THSD4: variants seen among roughly 807,000 people sequenced by gnomAD.
The protein encoded by THSD4 is thrombospondin type 1 domain containing 4.
THSD4 carries 69 observed loss-of-function variants against 119.0 expected under a neutral mutation model. That is an observed-to-expected ratio of 0.58 (90% CI 0.48 to 0.71). The LOEUF is 0.71. THSD4 is among the 30% of genes least tolerant of loss of function. The pLI is 0.00. For synonymous variants in THSD4, 524 were observed against 540.4 expected (o/e 0.97, Z 0.42); for missense variants, 1,393 against 1,391.1 (o/e 1.00, Z -0.02).
At chr15:71,448,392 G>A (rs2047218284) in intron 7 of THSD4, among the ~76,000 whole-genome samples, 1 of 152,076 alleles carries the variant, frequency 6.6e-6, no homozygotes, top group Non-Finnish European at 1.5e-5. Context: ...TTAACATTTG[G>A]GGGCATTTCA....
intron 6 of THSD4, among the ~76,000 whole-genome samples, chr15:71,327,059 C>T (rs952376241): frequency 2.6e-5 from 4 of 151,336 alleles, no homozygotes; most frequent in East Asian, 2.0e-4. Flanking sequence ...CCGAGCTACT[C>T]GGGATTCTGA....
chr15:71,412,119 C>A (rs138171505), intron 7 of THSD4, among the ~76,000 whole-genome samples: 1 of 152,168 alleles, frequency 6.6e-6, no homozygotes, highest in African/African-American at 2.4e-5. Flanking sequence ...ATCTGGAGCT[C>A]CTTCTTTGCC....
chr15:71,305,622 A>T (rs2045013134), intron 6 of THSD4, among the ~76,000 whole-genome samples: 1 of 152,138 alleles, frequency 6.6e-6, no homozygotes, highest in South Asian at 2.1e-4. Flanking sequence ...GATAAATGAG[A>T]TTGTTATTGT....
intron 8 of THSD4, among the ~76,000 whole-genome samples, chr15:71,695,378 T>C (rs1021358716): frequency 2.0e-5 from 3 of 152,006 alleles, no homozygotes; most frequent in African/African-American, 7.2e-5. Context: ...TGTGTATGTA[T>C]GTGTGTGTGC....
At chr15:71,447,993 G>A (rs1431878009) in intron 7 of THSD4, among the ~76,000 whole-genome samples, 2 of 152,200 alleles carry the variant, frequency 1.3e-5, no homozygotes, top group Non-Finnish European at 2.9e-5. Flanking sequence ...GTAAACAGTA[G>A]CTTTCTCGGC....
chr15:71,468,620 T>A (rs1271983451), intron 7 of THSD4, among the ~76,000 whole-genome samples: 1 of 152,214 alleles, frequency 6.6e-6, no homozygotes, highest in East Asian at 1.9e-4. Flanking sequence ...CTTTTAGCTA[T>A]AATAGAAAAA....
At chr15:71,455,273 C>T (rs2047322960) in intron 7 of THSD4, among the ~76,000 whole-genome samples, 1 of 152,200 alleles carries the variant, frequency 6.6e-6, no homozygotes, top group African/African-American at 2.4e-5. Context: ...AGCAGCGGCA[C>T]CACAATGATG....
intron 7 of THSD4, among the ~76,000 whole-genome samples, chr15:71,509,515 TGTTA>T (rs2048246302): frequency 6.6e-6 from 1 of 152,210 alleles, no homozygotes; most frequent in African/African-American, 2.4e-5. Flanking sequence ...AATGATTACA[TGTTA>T]GTTATACAAT....
intron 6 of THSD4, among the ~76,000 whole-genome samples, chr15:71,259,940 G>T (rs1024216974): frequency 3.9e-5 from 6 of 152,190 alleles, no homozygotes; most frequent in African/African-American, 1.2e-4. Context: ...GATAATAGCT[G>T]CTTTATTGTG....
intron 7 of THSD4, among the ~76,000 whole-genome samples, chr15:71,633,269 C>CTTTTTTTTTTTTTTTT (rs67682951): frequency 4.7e-5 from 3 of 63,162 alleles, no homozygotes; most frequent in Non-Finnish European, 8.9e-5. Flanking sequence ...TTCTTTCTTT[C>CTTTTTTTTTTTTTTTT]TTTTTTTTTT....
At chr15:71,743,019 C>T (rs1050049754) in intron 11 of THSD4, among the ~76,000 whole-genome samples, 1 of 151,948 alleles carries the variant, frequency 6.6e-6, no homozygotes, top group African/African-American at 2.4e-5. Context: ...CGTGCCACTT[C>T]ACTCCAGCCT....
chr15:71,526,290 G>A (rs12913663), intron 7 of THSD4, among the ~76,000 whole-genome samples: 6,490 of 152,110 alleles, frequency 0.043, 193 homozygotes, highest in Middle Eastern at 0.061. Flanking sequence ...ACTTGCAGCC[G>A]GCTTCCAGAC....
intron 6 of THSD4, among the ~76,000 whole-genome samples, chr15:71,278,578 T>C (rs1269257838): frequency 6.6e-6 from 1 of 152,230 alleles, no homozygotes; most frequent in Non-Finnish European, 1.5e-5. Context: ...TTCTACATTG[T>C]GCTCTGCTGA....
At chr15:71,159,389 T>A (rs113856156) in intron 3 of THSD4, among the ~76,000 whole-genome samples, 1 of 152,218 alleles carries the variant, frequency 6.6e-6, no homozygotes, top group Non-Finnish European at 1.5e-5. Flanking sequence ...GCATTAAATC[T>A]GTAAATTGCT....
intron 7 of THSD4, among the ~76,000 whole-genome samples, chr15:71,633,269 C>CTTTTTTTTTTTTTTTTTTTTTTTT (rs67682951): frequency 1.1e-4 from 7 of 63,158 alleles, no homozygotes; most frequent in African/African-American, 2.3e-4. Context: ...TTCTTTCTTT[C>CTTTTTTTTTTTTTTTTTTTTTTTT]TTTTTTTTTT....
In THSD4 at chr15:71,331,857, T is replaced by C. The variant is rs543791775; in HGVS notation, c.1015+75142T>C. Reference sequence around the variant, plus strand: ...TGACATTGGACTGCCTACTTGTCCCTTGAACTTCAGCTTTTTCATCTGTAA... The same window carrying C: ...TGACATTGGACTGCCTACTTGTCCCCTGAACTTCAGCTTTTTCATCTGTAA... On this transcript the variant is annotated intron_variant, in intron 6 of 17. Coordinates refer to ENST00000261862, the MANE Select transcript of THSD4 (RefSeq NM_024817.3). 2.4e-5 allele frequency among the ~76,000 whole-genome samples: 3 copies of C among 125,340 alleles called. No homozygotes were observed. The South Asian group carries it at 8.3e-4, about 35-fold the overall frequency. 82.2% of individuals were successfully genotyped at this position (125,340 alleles called of 152,430 possible). A position where few individuals can be genotyped will look rare whatever the true frequency, so the allele number is the denominator to read the frequency against.
chr15:71,246,741 A>G (rs549374866), intron 5 of THSD4, among the ~76,000 whole-genome samples: 1 of 152,196 alleles, frequency 6.6e-6, no homozygotes, highest in Non-Finnish European at 1.5e-5. Context: ...GTTGCCTACA[A>G]TGTGTACGAG....
chr15:71,765,551 A>G (rs1450141643), intron 16 of THSD4, among the ~76,000 whole-genome samples: 3 of 152,192 alleles, frequency 2.0e-5, no homozygotes, highest in Non-Finnish European at 4.4e-5. Context: ...TTGTCTTTGT[A>G]CTGCATTTTG....
intron 1 of THSD4, among the ~76,000 whole-genome samples, chr15:71,117,778 C>G (rs1228152385): frequency 6.6e-6 from 1 of 152,228 alleles, no homozygotes; most frequent in East Asian, 1.9e-4. Flanking sequence ...GTATTCACTT[C>G]TATTTAATTT....
Sources: gnomAD v4.1 joint callset for allele counts (sites outside exome capture counted in the v4.1 genomes callset) on GRCh38, gnomAD v4.1.1 for gene constraint, MANE v1.5 for transcripts, NCBI Gene and HGNC (gene_info 2026-07-23, HGNC 2026-07-21) for gene names.